LRRC53: variants seen among roughly 807,000 people sequenced by gnomAD.
The protein encoded by LRRC53 is leucine rich repeat containing 53.
Under a neutral mutation model 13.6 loss-of-function variants are expected in LRRC53, and 25 were observed. The ratio of observed to expected loss-of-function variants is 1.83; its 90% CI spans 1.34 to 2.56. The LOEUF (loss-of-function observed/expected upper bound fraction) is 2.56. Ranked by LOEUF, LRRC53 falls within the 30% of genes most tolerant of loss-of-function variation. The pLI is 0.00. For missense variants in LRRC53, 527 were observed against 275.8 expected (o/e 1.91, Z -6.45); for synonymous variants, 204 against 109.8 (o/e 1.86, Z -5.37).
chr1:74,516,174 A>G (rs550868482), upstream of LRRC53, among the ~76,000 whole-genome samples: 6 of 152,318 alleles, frequency 3.9e-5, no homozygotes, highest in South Asian at 1.2e-3. Context: ...TTTTAAAAAT[A>G]TGGTCATTTA....
chr1:74,517,967 A>G, the LRRC53 span, among the ~76,000 whole-genome samples: 3,782 of 152,292 alleles, frequency 0.025, 62 homozygotes, highest in Non-Finnish European at 0.034. Context: ...TAGTACTTAA[A>G]GTAACAATCT....
the LRRC53 span, among the ~76,000 whole-genome samples, chr1:74,524,193 C>G: frequency 6.6e-6 from 1 of 152,202 alleles, no homozygotes; most frequent in Non-Finnish European, 1.5e-5. Flanking sequence ...CACAGAGTAA[C>G]CATGTAGCAA....
Position 74,472,088 on chromosome 1 carries a change from C to A in LRRC53, c.1534G>T (p.Glu512Ter). 1 of 717,154 alleles carries A rather than the reference C, an allele frequency of 1.4e-6. No individual in the cohort carries two copies. The highest frequency in any genetic ancestry group is 2.7e-5 in the East Asian group (1 of 37,272). The allele number at this position is 717,154 out of a possible 1,614,324, so 44.4% of individuals were successfully genotyped here. ...CTATGAGGGTGTAAGCCATTGTCTTCTTTTTCTATTGGAGGCTGCCATGAT... is the reference window on the plus strand; with the variant it reads ...CTATGAGGGTGTAAGCCATTGTCTTATTTTTCTATTGGAGGCTGCCATGAT... The part of the protein sequence containing the change: ...NESWQPPIEK[E>*]DNGLHPHRQR... The change falls in exon 5 of 5, where the codon GAA becomes TAA. Residue 512 changes from glutamate to a stop codon, truncating the protein, a stop_gained. Coordinates refer to ENST00000294635, the MANE Select transcript of LRRC53 (RefSeq NM_001382280.1). LOFTEE classifies it low-confidence loss of function (END_TRUNC).
At chr1:74,522,723 C>T in the LRRC53 span, among the ~76,000 whole-genome samples, 1 of 152,036 alleles carries the variant, frequency 6.6e-6, no homozygotes, top group African/African-American at 2.4e-5. Context: ...GATTCATTTT[C>T]TGATTGGAAT....
chr1:74,507,370 T>A (rs1570717188), intron 1 of LRRC53, among the ~76,000 whole-genome samples: 1 of 152,116 alleles, frequency 6.6e-6, no homozygotes, highest in Admixed American at 6.5e-5. Context: ...TCTGTACAGA[T>A]CCCATCAGAG....
chr1:74,486,432 G>T (rs1668767767), intron 1 of LRRC53, among the ~76,000 whole-genome samples: 1 of 151,600 alleles, frequency 6.6e-6, no homozygotes, highest in Admixed American at 6.6e-5. Flanking sequence ...AATATAATTT[G>T]CTGGTATATA....
chr1:74,518,103 G>A, the LRRC53 span, among the ~76,000 whole-genome samples: 1 of 152,136 alleles, frequency 6.6e-6, no homozygotes, highest in South Asian at 2.1e-4. Context: ...GACAGATGGT[G>A]GACCAGGAGG....
upstream of LRRC53, among the ~76,000 whole-genome samples, chr1:74,515,978 GA>G: frequency 6.6e-6 from 1 of 152,300 alleles, no homozygotes; most frequent in African/African-American, 2.4e-5. Context: ...TGCCTTTGCA[GA>G]AAATGTAAAT....
At chr1:74,530,121 T>C in the LRRC53 span, among the ~76,000 whole-genome samples, 65 of 152,176 alleles carry the variant, frequency 4.3e-4, no homozygotes, top group Non-Finnish European at 7.9e-4. Flanking sequence ...TGAGCCACTG[T>C]GCCAGCCGTT....
chr1:74,523,018 C>G, the LRRC53 span, among the ~76,000 whole-genome samples: 1 of 152,188 alleles, frequency 6.6e-6, no homozygotes, highest in Non-Finnish European at 1.5e-5. Context: ...CAGCAGATCA[C>G]AAGGTTTCTG....
intron 3 of LRRC53, among the ~76,000 whole-genome samples, chr1:74,476,072 T>G (rs1668191946): frequency 6.6e-6 from 1 of 152,186 alleles, no homozygotes. Context: ...AAAAAGGCTG[T>G]TTCATGAACT....
At chr1:74,491,060 T>C (rs1005530162) in intron 1 of LRRC53, among the ~76,000 whole-genome samples, 1 of 152,218 alleles carries the variant, frequency 6.6e-6, no homozygotes, top group Non-Finnish European at 1.5e-5. Flanking sequence ...GTTGTGTCTG[T>C]GAGCCTTTTA....
chr1:74,527,978 G>A, the LRRC53 span, among the ~76,000 whole-genome samples: 9 of 152,144 alleles, frequency 5.9e-5, no homozygotes, highest in Admixed American at 2.0e-4. Flanking sequence ...GGGGCTGCCC[G>A]GCCAAGGTGG....
At chr1:74,522,159 T>A in the LRRC53 span, among the ~76,000 whole-genome samples, 2 of 152,144 alleles carry the variant, frequency 1.3e-5, no homozygotes, top group Admixed American at 1.3e-4. Context: ...AAACTTAATA[T>A]AGCAGGTGAA....
chr1:74,471,058 G>A lies in LRRC53; in HGVS notation c.2564C>T (p.Ser855Phe), dbSNP rs1450857873. ...TTCCATTTGCTCAGTTGAGAATTGAGAATGTGAGTGCCTGTGCTCAGCATC... is the reference window on the plus strand; with the variant it reads ...TTCCATTTGCTCAGTTGAGAATTGAAAATGTGAGTGCCTGTGCTCAGCATC... ...PTDAEHRHSH[S>F]QFSTEQMEDA... Residue 855 changes from serine to phenylalanine, a missense_variant, in exon 5 of 5, where the codon TCT becomes TTT. Coordinates refer to ENST00000294635, the MANE Select transcript of LRRC53 (RefSeq NM_001382280.1). The A allele has an allele frequency of 2.5e-6, 1 of 400,574 alleles. No homozygotes were observed. The highest frequency in any genetic ancestry group is 4.4e-5 in the Admixed American group (1 of 22,720). 24.8% of individuals were successfully genotyped at this position (400,574 alleles called of 1,614,324 possible).
chr1:74,528,951 A>T, the LRRC53 span, among the ~76,000 whole-genome samples: 1 of 152,224 alleles, frequency 6.6e-6, no homozygotes, highest in East Asian at 1.9e-4. Flanking sequence ...AAGGAGAAAG[A>T]TACAAAGAAA....
intron 1 of LRRC53, among the ~76,000 whole-genome samples, chr1:74,490,480 A>T (rs569124112): frequency 5.3e-5 from 8 of 152,330 alleles, no homozygotes; most frequent in South Asian, 4.1e-4. Context: ...CCATGATAGG[A>T]TCTACAAACA....
the LRRC53 span, among the ~76,000 whole-genome samples, chr1:74,519,882 G>T: frequency 1.3e-5 from 2 of 152,060 alleles, no homozygotes; most frequent in Non-Finnish European, 2.9e-5. Flanking sequence ...CCTATCTGTG[G>T]GAGCACAGAT....
rs929819510 is a variant in LRRC53 at position 74,474,985 on chromosome 1, A to G, written c.1420+310T>C. 3.2e-5 allele frequency among the ~76,000 whole-genome samples: 4 copies of G among 125,822 alleles called. No homozygotes were observed. The Admixed American group carries it at 3.5e-4, about 11-fold the overall frequency. The allele number at this position is 125,822 out of a possible 152,430, so 82.5% of individuals were successfully genotyped here. On this transcript the variant is annotated intron_variant, in intron 4 of 4. Coordinates refer to ENST00000294635, the MANE Select transcript of LRRC53 (RefSeq NM_001382280.1). The stretch of plus-strand genomic sequence containing the variant: ...CTATCCCATAGATCTTAACAGCACT[A>G]TTGCTATTTAAAAGGCTACTTTTTT...
Sources: gnomAD v4.1 joint callset for allele counts (sites outside exome capture counted in the v4.1 genomes callset) on GRCh38, gnomAD v4.1.1 for gene constraint, MANE v1.5 for transcripts, NCBI Gene and HGNC (gene_info 2026-07-23, HGNC 2026-07-21) for gene names.